Variants in PLCB1 observed in about 807,000 individuals in gnomAD.
PLCB1 encodes 1-phosphatidylinositol 4,5-bisphosphate phosphodiesterase beta-1.
Under a neutral mutation model 161.8 loss-of-function variants are expected in PLCB1, and 46 were observed. That is an observed-to-expected ratio of 0.28 (90% CI 0.22 to 0.36). The LOEUF (loss-of-function observed/expected upper bound fraction) is 0.36, where lower values mean the gene tolerates loss of function less well. Among genes scored for constraint, PLCB1 ranks in the 10% least tolerant of loss-of-function variants. The pLI, the probability that PLCB1 is intolerant of heterozygous loss-of-function variation, is 1.00. For missense variants in PLCB1, 1,016 were observed against 1,472.5 expected, an observed-to-expected ratio of 0.69 and a Z score of 5.07; for synonymous variants, 517 against 503.7, an observed-to-expected ratio of 1.03 and a Z score of -0.35.
intron 3 of PLCB1, among the ~76,000 whole-genome samples, chr20:8,522,259 G>T (rs558212797): frequency 7.0e-4 from 106 of 152,224 alleles, no homozygotes; most frequent in African/African-American, 2.5e-3. Context: ...CCTTACAAGC[G>T]TTTCCTGAGA....
intron 3 of PLCB1, among the ~76,000 whole-genome samples, chr20:8,421,127 TG>T (rs1357827472): frequency 6.6e-6 from 1 of 152,114 alleles, no homozygotes; most frequent in Admixed American, 6.6e-5. Flanking sequence ...GTGGAGAAAG[TG>T]AATTATAGAA....
intron 3 of PLCB1, among the ~76,000 whole-genome samples, chr20:8,415,180 T>TA (rs1168211557): frequency 1.3e-5 from 2 of 152,202 alleles, no homozygotes; most frequent in Admixed American, 6.5e-5. Context: ...GAACAAAACT[T>TA]ACCCTGCTGA....
intron 2 of PLCB1, among the ~76,000 whole-genome samples, chr20:8,307,965 G>A (rs1482149538): frequency 1.3e-5 from 2 of 151,850 alleles, no homozygotes; most frequent in East Asian, 1.9e-4. Context: ...ACCTATACTT[G>A]ACTTGTGGCT....
intron 1 of PLCB1, among the ~76,000 whole-genome samples, chr20:8,136,540 G>A (rs1432663065): frequency 1.3e-5 from 2 of 151,762 alleles, no homozygotes; most frequent in African/African-American, 2.4e-5. Context: ...GCAGGAGAAT[G>A]GCGTGAACCT....
intron 3 of PLCB1, among the ~76,000 whole-genome samples, chr20:8,419,578 G>A (rs1979449125): frequency 6.6e-6 from 1 of 152,178 alleles, no homozygotes; most frequent in Non-Finnish European, 1.5e-5. Context: ...CTTTGTGTTA[G>A]ATAATTCTCC....
In PLCB1 at chr20:8,770,188, G is replaced by A. The variant is rs191203193; in HGVS notation, c.2931-4351G>A. 1.6e-4 allele frequency among the ~76,000 whole-genome samples: 24 copies of A among 152,272 alleles called. No individual in the cohort carries two copies. In the East Asian group the frequency reaches 4.1e-3, roughly 26 times the overall value. On this transcript the variant is annotated intron_variant, in intron 26 of 31. Transcript: ENST00000338037. ...AGGATGGCCTCGATCTCCTGACCTC[G>A]TGATCCGCCCACCTCGGCCTCCCAA... is the stretch of plus-strand genomic sequence containing the variant.
chr20:8,551,880 C>T (rs1985787548), intron 3 of PLCB1, among the ~76,000 whole-genome samples: 1 of 152,096 alleles, frequency 6.6e-6, no homozygotes, highest in South Asian at 2.1e-4. Flanking sequence ...AAGGGAATGC[C>T]TTTGGATTTC....
chr20:8,602,842 G>C (rs1445203989), intron 3 of PLCB1, among the ~76,000 whole-genome samples: 1 of 152,202 alleles, frequency 6.6e-6, no homozygotes, highest in Non-Finnish European at 1.5e-5. Flanking sequence ...GAAAGTTCCT[G>C]TTCTTACCAA....
intron 3 of PLCB1, among the ~76,000 whole-genome samples, chr20:8,439,276 G>T (rs888574597): frequency 6.6e-6 from 1 of 152,220 alleles, no homozygotes. Context: ...CAGGCATCTA[G>T]CAGGGCATTA....
intron 2 of PLCB1, among the ~76,000 whole-genome samples, chr20:8,188,324 C>A (rs901685090): frequency 7.2e-5 from 11 of 152,010 alleles, no homozygotes; most frequent in Non-Finnish European, 1.5e-5. Flanking sequence ...ATCAAATGGT[C>A]TAGTGGGAGG....
intron 31 of PLCB1, among the ~76,000 whole-genome samples, chr20:8,863,705 A>G (rs1987331140): frequency 6.6e-6 from 1 of 152,222 alleles, no homozygotes; most frequent in Non-Finnish European, 1.5e-5. Flanking sequence ...AGTACATTAT[A>G]TTCTTCAGAT....
At chr20:8,197,572 T>G (rs1375235241) in intron 2 of PLCB1, among the ~76,000 whole-genome samples, 3 of 152,220 alleles carry the variant, frequency 2.0e-5, no homozygotes, top group Non-Finnish European at 2.9e-5. Context: ...CTTTGTCAGA[T>G]GAGTAGATTG....
chr20:8,709,647 C>G (rs567532408), intron 12 of PLCB1, among the ~76,000 whole-genome samples: 3 of 152,280 alleles, frequency 2.0e-5, no homozygotes, highest in African/African-American at 7.2e-5. Context: ...TTCACTAGAT[C>G]TTAAAGATGC....
chr20:8,553,822 G>A (rs770779511), intron 3 of PLCB1, among the ~76,000 whole-genome samples: 63 of 152,022 alleles, frequency 4.1e-4, no homozygotes, highest in South Asian at 8.3e-4. Context: ...CCAACGTGGT[G>A]AAACCCTGTC....
Position 8,727,514 on chromosome 20 carries a change from C to T in PLCB1, c.1763+121C>T, listed in dbSNP as rs192038624. ...AATGGCTTAAGTATATAGCCTGGGG[C>T]GGATAAATAGTTTCAGGTATCATAT... On this transcript the variant is annotated intron_variant, in intron 17 of 31. Coordinates refer to ENST00000338037, the MANE Select transcript of PLCB1 (RefSeq NM_015192.4). 8.4e-5 allele frequency: 50 copies of T among 593,590 alleles called. 1 individual carries two copies. The highest frequency in any genetic ancestry group is 7.2e-4 in the Admixed American group (23 of 32,158). The allele number at this position is 593,590 out of a possible 1,614,324, so 36.8% of individuals were successfully genotyped here.
intron 4 of PLCB1, among the ~76,000 whole-genome samples, chr20:8,632,384 C>T (rs1439992977): frequency 6.6e-6 from 1 of 152,078 alleles, no homozygotes; most frequent in Non-Finnish European, 1.5e-5. Context: ...TTTGTTAAGC[C>T]TTCTGCAATG....
intron 2 of PLCB1, among the ~76,000 whole-genome samples, chr20:8,161,312 T>C (rs1470483346): frequency 2.6e-5 from 4 of 152,122 alleles, no homozygotes; most frequent in Non-Finnish European, 5.9e-5. Flanking sequence ...TACTTACACA[T>C]ATATATAGTG....
At chr20:8,648,953 AAG>A (rs1491318943) in intron 6 of PLCB1, among the ~76,000 whole-genome samples, 1 of 115,286 alleles carries the variant, frequency 8.7e-6, no homozygotes, top group Non-Finnish European at 2.1e-5. Context: ...AAAAAAAAAA[AAG>A]AAAGAAAGAA....
intron 2 of PLCB1, among the ~76,000 whole-genome samples, chr20:8,282,646 G>A (rs1024991502): frequency 1.3e-5 from 2 of 152,012 alleles, no homozygotes; most frequent in African/African-American, 4.8e-5. Context: ...AATCCACTTG[G>A]GTAAAAAATA....
Sources: gnomAD v4.1 joint callset for allele counts (sites outside exome capture counted in the v4.1 genomes callset) on GRCh38, gnomAD v4.1.1 for gene constraint, MANE v1.5 for transcripts, NCBI Gene and HGNC (gene_info 2026-07-23, HGNC 2026-07-21) for gene names.